RGS3: variants seen among roughly 807,000 people sequenced by gnomAD.
The protein encoded by RGS3 is regulator of G protein signaling 3.
A neutral mutation model predicts 132.6 loss-of-function variants in RGS3; 80 were observed. That is an observed-to-expected ratio of 0.60 (90% CI 0.50 to 0.73). The LOEUF (loss-of-function observed/expected upper bound fraction) is 0.73, where lower values mean the gene tolerates loss of function less well. RGS3 is among the 30% of genes least tolerant of loss of function. The pLI is 0.00. For synonymous variants in RGS3, 598 were observed against 620.6 expected, an observed-to-expected ratio of 0.96 and a Z score of 0.54; for missense variants, 1,382 against 1,530.8, an observed-to-expected ratio of 0.90 and a Z score of 1.62.
intron 3 of RGS3, chr9:113,479,228 C>T (rs891406951): frequency 1.0e-5 from 5 of 486,308 alleles, no homozygotes; most frequent in Non-Finnish European, 1.8e-5. Flanking sequence ...ACCTGGCTGC[C>T]TGTACAGTAG....
In RGS3 at chr9:113,498,153, C is replaced by T. The variant is rs1335888808; in HGVS notation, c.897+73C>T. On this transcript the variant is annotated intron_variant, in intron 10 of 24. Coordinates refer to ENST00000350696, the Ensembl canonical transcript of RGS3. ...CTTGACAGCCCCTGGGCCCGGGAAA[C>T]CCCTAAAGGGGCAGCATTTGGTGCT... 5 of 1,380,742 alleles carry T rather than the reference C, an allele frequency of 3.6e-6. No individual in the cohort carries two copies. The Admixed American group carries it at 8.8e-5, about 24-fold the overall frequency. 85.5% of individuals were successfully genotyped at this position (1,380,742 alleles called of 1,614,324 possible). A position where few individuals can be genotyped will look rare whatever the true frequency, so the allele number is the denominator to read the frequency against.
At chr9:113,580,995 G>T in intron 19 of RGS3, 1 of 656,380 alleles carries the variant, frequency 1.5e-6, no homozygotes, top group Non-Finnish European at 1.9e-6. Context: ...TTTCCCCAAG[G>T]ACTATCAGAG....
chr9:113,506,560 A>G lies in RGS3; in HGVS notation c.1085+67A>G. 1 of 1,079,758 alleles carries G rather than the reference A, an allele frequency of 9.3e-7. No individual in the cohort carries two copies. Among genetic ancestry groups the G allele is most frequent in the Non-Finnish European group, 1.4e-6 (1 of 720,148 alleles). The allele number at this position is 1,079,758 out of a possible 1,614,324, so 66.9% of individuals were successfully genotyped here. A position where few individuals can be genotyped will look rare whatever the true frequency, so the allele number is the denominator to read the frequency against. ...GCACACCCTCCCCACCCCTGGGCAC[A>G]CTGCCTTGCCTGGCCCAGCTCTTGC... On this transcript the variant is annotated intron_variant, in intron 12 of 24. Transcript: ENST00000350696. This position sits in a 1 kb window ranked among gnomAD's most constrained non-coding sequence, Gnocchi z 4.7.
exon 15 of RGS3, chr9:113,514,494 G>C (rs752018623): frequency 6.8e-6 from 11 of 1,614,202 alleles, no homozygotes; most frequent in African/African-American, 1.3e-5. Flanking sequence ...TCCTACACAG[G>C]CCTGGGGAAG....
chr9:113,517,544 C>T, exon 16 of RGS3: 2 of 1,613,218 alleles, frequency 1.2e-6, no homozygotes, highest in Non-Finnish European at 1.7e-6. Context: ...TTTCCAGCCT[C>T]TAGATCTCTG....
chr9:113,533,010 G>A (rs143467420), intron 18 of RGS3, among the ~76,000 whole-genome samples: 2 of 152,316 alleles, frequency 1.3e-5, no homozygotes, highest in African/African-American at 4.8e-5. Context: ...GCCTGACCAG[G>A]TGATGAGACC....
At chr9:113,514,791 C>T (rs1383189661) in intron 15 of RGS3, 137 bp downstream of exon 13, 14 of 767,656 alleles carry the variant, frequency 1.8e-5, no homozygotes, top group Non-Finnish European at 2.7e-5. Context: ...GCTTTAGATG[C>T]ATAGGATTCT....
chr9:113,595,537 G>A, intron 23 of RGS3, 62 bp from the exon 22 acceptor site: 1 of 1,574,230 alleles, frequency 6.4e-7, no homozygotes, highest in South Asian at 1.1e-5. Context: ...GGTAAGCTGA[G>A]GCATCTTAAG....
intron 3 of RGS3, among the ~76,000 whole-genome samples, chr9:113,474,673 A>G (rs1158582307): frequency 1.3e-5 from 2 of 152,122 alleles, no homozygotes; most frequent in African/African-American, 2.4e-5. Context: ...CTGCCTTCAT[A>G]TGTTTGTCTG....
intron 3 of RGS3, among the ~76,000 whole-genome samples, chr9:113,466,387 T>C (rs763411206): frequency 8.5e-5 from 13 of 152,216 alleles, no homozygotes; most frequent in African/African-American, 1.9e-4. Flanking sequence ...TATGGAAATA[T>C]AAAGAGACAA....
chr9:113,545,541 C>G (rs555176408), intron 19 of RGS3, among the ~76,000 whole-genome samples: 1 of 152,324 alleles, frequency 6.6e-6, no homozygotes, highest in Admixed American at 6.5e-5. Flanking sequence ...CTGTCTTGCT[C>G]TTGGTCTCAG....
intron 19 of RGS3, among the ~76,000 whole-genome samples, chr9:113,547,708 C>G (rs1378438463): frequency 6.6e-6 from 1 of 152,244 alleles, no homozygotes; most frequent in Non-Finnish European, 1.5e-5. Context: ...TTTGTGGTCA[C>G]TGGTTTGCAG....
chr9:113,488,313 T>C (rs1830400650), intron 7 of RGS3, among the ~76,000 whole-genome samples: 1 of 152,064 alleles, frequency 6.6e-6, no homozygotes, highest in African/African-American at 2.4e-5. Flanking sequence ...GGGAGCCAGG[T>C]CAGAGCTGTG....
At chr9:113,495,842 A>G (rs1564485179) in exon 8 of RGS3, 1 of 1,613,828 alleles carries the variant, frequency 6.2e-7, no homozygotes, top group Non-Finnish European at 8.5e-7. Flanking sequence ...CTGACTCCAG[A>G]CAAGGTGGGT....
intron 19 of RGS3, among the ~76,000 whole-genome samples, chr9:113,574,429 T>C (rs1834421665): frequency 6.6e-6 from 1 of 152,240 alleles, no homozygotes; most frequent in Non-Finnish European, 1.5e-5. Flanking sequence ...GGGTGAGAGA[T>C]GGACCTGGCA....
chr9:113,593,474 C>T (rs1835551601), intron 21 of RGS3: 1 of 155,638 alleles, frequency 6.4e-6, no homozygotes, highest in Non-Finnish European at 1.4e-5. Flanking sequence ...ATCACAAAAC[C>T]ATGCACACAA....
At chr9:113,524,805 C>A (rs1178084412) in intron 17 of RGS3, among the ~76,000 whole-genome samples, 1 of 152,228 alleles carries the variant, frequency 6.6e-6, no homozygotes, top group African/African-American at 2.4e-5. Flanking sequence ...TGCCTCTACC[C>A]CTCTGGGGGC....
intron 19 of RGS3, among the ~76,000 whole-genome samples, chr9:113,538,381 T>C (rs1252928635): frequency 6.6e-6 from 1 of 152,198 alleles, no homozygotes; most frequent in Non-Finnish European, 1.5e-5. Context: ...CCGCTTCCTC[T>C]TCATTGGGGT....
chr9:113,547,857 A>G (rs1424084575), intron 19 of RGS3, among the ~76,000 whole-genome samples: 1 of 152,188 alleles, frequency 6.6e-6, no homozygotes, highest in Admixed American at 6.5e-5. Flanking sequence ...AAATTGTCCT[A>G]AGTGTTAGTG....
Sources: allele counts gnomAD v4.1 joint callset (sites outside exome capture counted in the v4.1 genomes callset), GRCh38; gene constraint gnomAD v4.1.1; non-coding constraint Gnocchi (gnomAD v3.1); transcripts MANE v1.5; gene names NCBI Gene and HGNC (gene_info 2026-07-23, HGNC 2026-07-21).